PRKG1: variants seen among roughly 807,000 people sequenced by gnomAD.
PRKG1 encodes cGMP-dependent protein kinase 1.
PRKG1 carries 35 observed loss-of-function variants against 88.1 expected under a neutral mutation model. The ratio of observed to expected loss-of-function variants is 0.40; its 90% confidence interval spans 0.30 to 0.53. The LOEUF (loss-of-function observed/expected upper bound fraction) is 0.53, where lower values mean the gene tolerates loss of function less well. Ranked by LOEUF, PRKG1 falls within the 20% of genes least tolerant of loss-of-function variation. The probability of loss-of-function intolerance (pLI) is 0.59; values close to 1 mark genes in which losing one functional copy is unlikely to be tolerated. For missense variants in PRKG1, 540 were observed against 839.8 expected (o/e 0.64, Z 4.41); for synonymous variants, 303 against 292.5 (o/e 1.04, Z -0.37).
chr10:51,123,748 G>T (rs1259588695), intron 1 of PRKG1, among the ~76,000 whole-genome samples: 2 of 151,448 alleles, frequency 1.3e-5, no homozygotes, highest in Non-Finnish European at 1.5e-5. Flanking sequence ...ATAGAGAAAA[G>T]AAGTTTAAGT....
At position 51,445,088 on chromosome 10, in the gene PRKG1, A is replaced by C. The variant is rs74387126; in HGVS notation, c.479-22635A>C. ...CACTAGCCACATGTAACATTTGAGC[A>C]CTTGATATGTGGTTAGTGCAAGTGA... On this transcript the variant is annotated intron_variant, in intron 2 of 17. Transcript: ENST00000373980. Among the ~76,000 whole-genome samples the C allele has an allele frequency of 3.7e-3, 557 of 152,006 alleles. 4 individuals are homozygous for C. Among genetic ancestry groups the C allele is most frequent in the African/African-American group, 0.013 (527 of 41,522 alleles).
chr10:51,066,207 C>G (rs1484842449), intron 1 of PRKG1, among the ~76,000 whole-genome samples: 1 of 152,134 alleles, frequency 6.6e-6, no homozygotes, highest in African/African-American at 2.4e-5. Context: ...ATCAAATGCT[C>G]TACCTTATTT....
intron 3 of PRKG1, among the ~76,000 whole-genome samples, chr10:51,682,221 C>T (rs1840869351): frequency 6.6e-6 from 1 of 152,152 alleles, no homozygotes; most frequent in Admixed American, 6.5e-5. Flanking sequence ...TTGCCTTCAC[C>T]ATTGTCAACT....
intron 2 of PRKG1, among the ~76,000 whole-genome samples, chr10:51,336,308 A>G (rs1841874764): frequency 6.6e-6 from 1 of 152,132 alleles, no homozygotes; most frequent in African/African-American, 2.4e-5. Flanking sequence ...AGTCGACATC[A>G]TGCCTCCGCA....
rs567120256 is a variant in PRKG1, at chr10:51,918,336, T to A, written c.762+10766T>A. 1.8e-4 allele frequency among the ~76,000 whole-genome samples: 28 copies of A among 152,060 alleles called. No homozygotes were observed. The South Asian group carries it at 5.8e-3, about 32-fold the overall frequency. On this transcript the variant is annotated intron_variant, in intron 5 of 17. Coordinates refer to ENST00000373980, the MANE Select transcript of PRKG1 (RefSeq NM_006258.4). ...TCTGAAAATATCGACTTGACTTATT[T>A]TTTTTTTATTTTTTTTTTTGTGAGA...
chr10:51,867,133 A>G (rs148243320), intron 4 of PRKG1, among the ~76,000 whole-genome samples: 123 of 152,284 alleles, frequency 8.1e-4, no homozygotes, highest in Admixed American at 1.5e-3. Flanking sequence ...CAGAGGAAAA[A>G]TCATTCTAGG....
At chr10:52,115,364 T>C (rs1847662365) in intron 7 of PRKG1, among the ~76,000 whole-genome samples, 1 of 152,132 alleles carries the variant, frequency 6.6e-6, no homozygotes, top group Admixed American at 6.6e-5. Flanking sequence ...TAGAATTTTT[T>C]CTGTCGCAAA....
intron 3 of PRKG1, among the ~76,000 whole-genome samples, chr10:51,490,440 G>A (rs957384151): frequency 4.6e-5 from 7 of 152,046 alleles, no homozygotes; most frequent in African/African-American, 1.7e-4. Context: ...TGATGAAACA[G>A]GATTCAAGAA....
intron 3 of PRKG1, among the ~76,000 whole-genome samples, chr10:51,726,555 C>T (rs776003015): frequency 2.0e-5 from 3 of 152,138 alleles, no homozygotes; most frequent in African/African-American, 4.8e-5. Flanking sequence ...TTGTCTGTCA[C>T]GATATTTCAG....
At chr10:51,004,127 C>A (rs1842917638) in intron 1 of PRKG1, among the ~76,000 whole-genome samples, 1 of 152,066 alleles carries the variant, frequency 6.6e-6, no homozygotes. Flanking sequence ...ATTATACATA[C>A]ACTTCCTATA....
intron 3 of PRKG1, among the ~76,000 whole-genome samples, chr10:51,729,049 A>T (rs540881247): frequency 6.6e-6 from 1 of 152,330 alleles, no homozygotes; most frequent in East Asian, 1.9e-4. Context: ...GCAAAGACAC[A>T]TCTTGCTTTG....
chr10:52,199,712 A>G (rs530931090), intron 9 of PRKG1, among the ~76,000 whole-genome samples: 1 of 152,158 alleles, frequency 6.6e-6, no homozygotes, highest in South Asian at 2.1e-4. Context: ...CAGTGCAGAT[A>G]TTTCTCCCTC....
intron 2 of PRKG1, among the ~76,000 whole-genome samples, chr10:51,285,949 G>A (rs1021328539): frequency 4.0e-5 from 6 of 151,018 alleles, no homozygotes; most frequent in Admixed American, 3.3e-4. Flanking sequence ...GGTAGGGACA[G>A]CAGGTGCCTT....
intron 3 of PRKG1, among the ~76,000 whole-genome samples, chr10:51,778,178 A>G (rs1328468677): frequency 2.6e-5 from 4 of 152,146 alleles, no homozygotes; most frequent in African/African-American, 9.7e-5. Context: ...CTCAACAGAT[A>G]TATAATCTGG....
intron 2 of PRKG1, among the ~76,000 whole-genome samples, chr10:51,193,690 T>G (rs1387496650): frequency 6.6e-6 from 1 of 152,094 alleles, no homozygotes; most frequent in East Asian, 1.9e-4. Flanking sequence ...CAACTATTGA[T>G]TCTTATCCCT....
intron 5 of PRKG1, among the ~76,000 whole-genome samples, chr10:51,936,954 G>GTTAA (rs2133018645): frequency 6.6e-6 from 1 of 151,996 alleles, no homozygotes; most frequent in East Asian, 1.9e-4. Flanking sequence ...AATTGATATA[G>GTTAA]TTAGAAGAGG....
At chr10:51,438,133 G>A (rs1297486150) in intron 2 of PRKG1, among the ~76,000 whole-genome samples, 1 of 151,322 alleles carries the variant, frequency 6.6e-6, no homozygotes, top group East Asian at 1.9e-4. Context: ...TTAATGTTTG[G>A]AAAGCACTGG....
At chr10:51,473,626 A>G (rs1840113888) in intron 3 of PRKG1, among the ~76,000 whole-genome samples, 1 of 151,960 alleles carries the variant, frequency 6.6e-6, no homozygotes, top group Non-Finnish European at 1.5e-5. Context: ...CCTTTTAATT[A>G]CTAAAACATT....
intron 3 of PRKG1, among the ~76,000 whole-genome samples, chr10:51,724,317 T>C (rs567581730): frequency 1.2e-4 from 19 of 152,212 alleles, no homozygotes; most frequent in Admixed American, 7.9e-4. Flanking sequence ...GTGATTATAA[T>C]GTACATAGAT....
Sources: allele counts gnomAD v4.1 joint callset (sites outside exome capture counted in the v4.1 genomes callset), GRCh38; gene constraint gnomAD v4.1.1; transcripts MANE v1.5; gene names NCBI Gene and HGNC (gene_info 2026-07-23, HGNC 2026-07-21).